NLK: variants seen among roughly 807,000 people sequenced by gnomAD.
NLK encodes the protein nemo like kinase.
Under a neutral mutation model 59.0 loss-of-function variants are expected in NLK, and 11 were observed. The observed-to-expected ratio is 0.19, with a 90% confidence interval of 0.12 to 0.31. NLK has a LOEUF of 0.31. Ranked by LOEUF, NLK falls within the 10% of genes least tolerant of loss-of-function variation. NLK has a pLI of 1.00. For missense variants in NLK, 410 were observed against 661.1 expected (o/e 0.62, Z 4.16); for synonymous variants, 235 against 235.9 (o/e 1.00, Z 0.03).
intron 3 of NLK, among the ~76,000 whole-genome samples, chr17:28,141,947 AT>A (rs1342822237): frequency 1.3e-5 from 2 of 152,082 alleles, no homozygotes; most frequent in East Asian, 3.9e-4. Context: ...GTACATATGC[AT>A]TTGCTTTGGA....
At chr17:28,175,502 G>T (rs970815880) in intron 7 of NLK, among the ~76,000 whole-genome samples, 1 of 151,968 alleles carries the variant, frequency 6.6e-6, no homozygotes, top group Admixed American at 6.6e-5. Flanking sequence ...CATGTTGCAC[G>T]TGTTTTGAAT....
intron 1 of NLK, among the ~76,000 whole-genome samples, chr17:28,066,387 G>A (rs980635194): frequency 4.6e-5 from 7 of 152,150 alleles, no homozygotes; most frequent in African/African-American, 1.7e-4. Context: ...TACATGACCT[G>A]TTATTAACTA....
chr17:28,083,266 G>A (rs1910406878), intron 1 of NLK, among the ~76,000 whole-genome samples: 3 of 152,106 alleles, frequency 2.0e-5, no homozygotes. Context: ...CCTTGTAGGT[G>A]ATTGATAAAT....
the NLK span, among the ~76,000 whole-genome samples, chr17:28,203,195 A>G: frequency 6.6e-6 from 1 of 151,706 alleles, no homozygotes; most frequent in Non-Finnish European, 1.5e-5. Context: ...ACACACACAC[A>G]CACACAGTCT....
chr17:28,129,580 TA>T lies in NLK; in HGVS notation c.589-3031del, dbSNP rs952869984. Among the ~76,000 whole-genome samples, 294 of 151,174 alleles carry T rather than the reference TA, an allele frequency of 1.9e-3. 1 individual carries two copies. Among genetic ancestry groups the T allele is most frequent in the African/African-American group, 5.0e-3 (207 of 41,314 alleles). On this transcript the variant is annotated intron_variant, in intron 2 of 10. Transcript: ENST00000407008. ...TTGTATACCTTATGCTACAACTCTATAAAAAAAAATAATAATGATATAGTCT... is the reference window on the plus strand; with the variant it reads ...TTGTATACCTTATGCTACAACTCTATAAAAAAAATAATAATGATATAGTCT...
intron 1 of NLK, among the ~76,000 whole-genome samples, chr17:28,098,230 G>A (rs1356225963): frequency 6.6e-6 from 1 of 152,118 alleles, no homozygotes; most frequent in Non-Finnish European, 1.5e-5. Flanking sequence ...CAGCTCTCTT[G>A]AAATGATATA....
At chr17:28,085,021 T>C (rs115694310) in intron 1 of NLK, among the ~76,000 whole-genome samples, 33 of 152,358 alleles carry the variant, frequency 2.2e-4, no homozygotes, top group African/African-American at 7.9e-4. Context: ...GTTTCTATTG[T>C]GGCCCTTCCT....
intron 1 of NLK, among the ~76,000 whole-genome samples, chr17:28,108,995 C>T (rs1241373199): frequency 6.6e-6 from 1 of 151,944 alleles, no homozygotes; most frequent in African/African-American, 2.4e-5. Flanking sequence ...GGTGAAACCC[C>T]ATCTCTACTA....
intron 1 of NLK, among the ~76,000 whole-genome samples, chr17:28,061,759 CACATATACATATAT>C (rs898498423): frequency 2.1e-5 from 3 of 143,388 alleles, no homozygotes; most frequent in African/African-American, 5.2e-5. Flanking sequence ...TACATATATA[CACATATACATATAT>C]ACATATACAT....
chr17:28,057,542 T>C (rs1441610038), intron 1 of NLK, among the ~76,000 whole-genome samples: 2 of 152,216 alleles, frequency 1.3e-5, no homozygotes, highest in African/African-American at 2.4e-5. Flanking sequence ...TATAGAAATA[T>C]TCCATTCTAC....
intron 1 of NLK, among the ~76,000 whole-genome samples, chr17:28,060,211 C>G (rs1909584128): frequency 6.6e-6 from 1 of 151,512 alleles, no homozygotes; most frequent in Admixed American, 6.6e-5. Context: ...GAAACAAAGC[C>G]AAAAAATAAG....
At chr17:28,191,292 T>C (rs1909297779) in intron 9 of NLK, 73 bp downstream of exon 9, 2 of 1,202,846 alleles carry the variant, frequency 1.7e-6, no homozygotes, top group South Asian at 1.5e-5. Context: ...CATGAAGAGC[T>C]GAGATCTGGA....
At chr17:28,047,889 GTA>G in intron 1 of NLK, 1 of 398,164 alleles carries the variant, frequency 2.5e-6, no homozygotes, top group Non-Finnish European at 4.4e-6. Context: ...ATACTAAAGG[GTA>G]TTTTGTTATT....
At chr17:28,067,699 A>C (rs974288356) in intron 1 of NLK, among the ~76,000 whole-genome samples, 7 of 152,082 alleles carry the variant, frequency 4.6e-5, no homozygotes, top group Non-Finnish European at 1.0e-4. Flanking sequence ...CTATCCTGTG[A>C]TGGTGACTTT....
At chr17:28,079,728 A>C (rs1190311002) in intron 1 of NLK, among the ~76,000 whole-genome samples, 1 of 152,128 alleles carries the variant, frequency 6.6e-6, no homozygotes, top group Non-Finnish European at 1.5e-5. Flanking sequence ...ATATTCTAGG[A>C]AGTAAACATA....
intron 5 of NLK, among the ~76,000 whole-genome samples, chr17:28,165,925 A>G (rs1256876048): frequency 6.6e-6 from 1 of 152,180 alleles, no homozygotes; most frequent in East Asian, 1.9e-4. Context: ...AAAATATTAT[A>G]TGTTATTTTG....
chr17:28,094,836 G>A (rs1004188071), intron 1 of NLK, among the ~76,000 whole-genome samples: 13 of 152,198 alleles, frequency 8.5e-5, no homozygotes, highest in Non-Finnish European at 1.9e-4. Context: ...ACTAGCCTTT[G>A]ATAGTGCAAG....
At chr17:28,156,202 A>G (rs1907708210) in intron 3 of NLK, among the ~76,000 whole-genome samples, 1 of 152,148 alleles carries the variant, frequency 6.6e-6, no homozygotes, top group South Asian at 2.1e-4. Context: ...TGCGTACCTC[A>G]TGCTCAGCTT....
At chr17:28,182,573 C>G (rs1363482416) in intron 7 of NLK, among the ~76,000 whole-genome samples, 1 of 152,156 alleles carries the variant, frequency 6.6e-6, no homozygotes, top group Non-Finnish European at 1.5e-5. Context: ...ACAAGGCAGA[C>G]TACCCACAGG....
Sources: gnomAD v4.1 joint callset for allele counts (sites outside exome capture counted in the v4.1 genomes callset) on GRCh38, gnomAD v4.1.1 for gene constraint, MANE v1.5 for transcripts, NCBI Gene and HGNC (gene_info 2026-07-23, HGNC 2026-07-21) for gene names.